PSMG2: variants seen among roughly 807,000 people sequenced by gnomAD.
PSMG2 encodes proteasome assembly chaperone 2.
Under a neutral mutation model 31.5 loss-of-function variants are expected in PSMG2, and 21 were observed. That is an observed-to-expected ratio of 0.67 (90% CI 0.47 to 0.96). The LOEUF (loss-of-function observed/expected upper bound fraction) is 0.96, where lower values mean the gene tolerates loss of function less well. PSMG2 is among the 40% of genes least tolerant of loss of function. The probability of loss-of-function intolerance (pLI) is 0.00; values close to 1 mark genes in which losing one functional copy is unlikely to be tolerated. For synonymous variants in PSMG2, 120 were observed against 110.4 expected (o/e 1.09, Z -0.54); for missense variants, 318 against 321.2 (o/e 0.99, Z 0.08).
chr18:12,691,560 A>G, intron 1 of PSMG2: 1 of 1,134,784 alleles, frequency 8.8e-7, no homozygotes, highest in Non-Finnish European at 1.3e-6. Context: ...TAGCAAATTT[A>G]TCTACTTCTC....
chr18:12,708,139 T>C (rs2040288102), intron 2 of PSMG2, among the ~76,000 whole-genome samples: 1 of 151,890 alleles, frequency 6.6e-6, no homozygotes, highest in Non-Finnish European at 1.5e-5. Flanking sequence ...AGAAAAAAAT[T>C]AGCCAACCTG....
intron 1 of PSMG2, chr18:12,695,333 G>T: frequency 6.5e-7 from 1 of 1,530,538 alleles, no homozygotes; most frequent in Non-Finnish European, 9.0e-7. Context: ...AATTCCCACA[G>T]AAACTTTTGA....
intron 1 of PSMG2, among the ~76,000 whole-genome samples, chr18:12,660,191 A>G (rs568362561): frequency 1.2e-4 from 19 of 152,320 alleles, no homozygotes; most frequent in African/African-American, 4.6e-4. Flanking sequence ...CCTGGCATAG[A>G]GCAGTAAATA....
intron 1 of PSMG2, among the ~76,000 whole-genome samples, chr18:12,676,678 G>C (rs1220663853): frequency 6.6e-6 from 1 of 152,136 alleles, no homozygotes; most frequent in Non-Finnish European, 1.5e-5. Context: ...GTAATAAGGG[G>C]CATTCATTTC....
At chr18:12,695,277 A>G in intron 1 of PSMG2, 1 of 1,550,184 alleles carries the variant, frequency 6.5e-7, no homozygotes, top group South Asian at 1.2e-5. Context: ...ACTTCTTGAG[A>G]TAACGTTTGA....
intron 5 of PSMG2, among the ~76,000 whole-genome samples, chr18:12,721,622 TC>T (rs1372800204): frequency 6.6e-5 from 10 of 152,142 alleles, no homozygotes; most frequent in African/African-American, 1.2e-4. Context: ...TTCTTTTTTT[TC>T]CTAGTCAAGC....
chr18:12,687,889 C>A (rs149014045), intron 1 of PSMG2, among the ~76,000 whole-genome samples: 62 of 151,960 alleles, frequency 4.1e-4, no homozygotes, highest in African/African-American at 1.4e-3. Flanking sequence ...CCTGAAATCA[C>A]AAACTAAATA....
intron 1 of PSMG2, among the ~76,000 whole-genome samples, chr18:12,666,748 CA>C (rs538321327): frequency 1.1e-3 from 149 of 134,896 alleles, no homozygotes; most frequent in African/African-American, 3.2e-3. Flanking sequence ...CACACCCGGC[CA>C]AAAAAAAAAA....
chr18:12,672,539 A>AT (rs1231696411), intron 1 of PSMG2: 14 of 486,332 alleles, frequency 2.9e-5, no homozygotes, highest in Admixed American at 1.4e-4. Context: ...ATATATGCTG[A>AT]TTTTTTTATC....
At chr18:12,678,576 TA>T in intron 1 of PSMG2, 1 of 607,706 alleles carries the variant, frequency 1.6e-6, no homozygotes. Flanking sequence ...TTTTCTTTTT[TA>T]TATTTCCACA....
At chr18:12,671,055 T>G (rs2038929093) in intron 1 of PSMG2, 1 of 151,376 alleles carries the variant, frequency 6.6e-6, no homozygotes, top group Non-Finnish European at 1.5e-5. Flanking sequence ...ATCATAATAT[T>G]TCAGACTTTT....
intron 3 of PSMG2, among the ~76,000 whole-genome samples, chr18:12,717,920 G>T (rs2040393089): frequency 6.6e-6 from 1 of 152,018 alleles, no homozygotes; most frequent in Admixed American, 6.6e-5. Flanking sequence ...CTCAAGTAGA[G>T]AACTGGGAAA....
At chr18:12,722,791 A>T (rs1598689046) in intron 5 of PSMG2, among the ~76,000 whole-genome samples, 1 of 152,256 alleles carries the variant, frequency 6.6e-6, no homozygotes, top group African/African-American at 2.4e-5. Flanking sequence ...TGAAATGATT[A>T]TCCCACACTG....
chr18:12,660,348 A>T (rs2038671295), intron 1 of PSMG2, among the ~76,000 whole-genome samples: 1 of 148,842 alleles, frequency 6.7e-6, no homozygotes, highest in Non-Finnish European at 1.5e-5. Flanking sequence ...ATTGAGACAG[A>T]GTCTCACCCT....
chr18:12,674,808 C>T lies in PSMG2; in HGVS notation c.-37+16035C>T, dbSNP rs982137806. 7 of 1,119,188 alleles carry T rather than the reference C, an allele frequency of 6.3e-6. No homozygotes were observed. The East Asian group carries it at 1.3e-4, about 21-fold the overall frequency. The allele number at this position is 1,119,188 out of a possible 1,614,324, so 69.3% of individuals were successfully genotyped here. The stretch of plus-strand genomic sequence containing the variant: ...TGAAATACATTAATATTTTTAAAAC[C>T]AACTAAATAAAAATGTTGATTATTT... On this transcript the variant is annotated intron_variant, in intron 1 of 6. Transcript: ENST00000585331.
intron 3 of PSMG2, among the ~76,000 whole-genome samples, 184 bp from the exon 4 acceptor site, chr18:12,718,333 A>ATATC (rs1401342930): frequency 6.6e-6 from 1 of 152,196 alleles, no homozygotes; most frequent in African/African-American, 2.4e-5. Context: ...GATACATTAG[A>ATATC]TAATTCATTG....
intron 2 of PSMG2, among the ~76,000 whole-genome samples, chr18:12,708,408 G>A (rs999451743): frequency 1.5e-4 from 23 of 151,582 alleles, no homozygotes; most frequent in African/African-American, 4.8e-4. Flanking sequence ...CTTGTTGCCC[G>A]GGCTGGAGTG....
At chr18:12,680,355 G>GA (rs1185992128) in intron 1 of PSMG2, among the ~76,000 whole-genome samples, 2 of 151,880 alleles carry the variant, frequency 1.3e-5, no homozygotes, top group Non-Finnish European at 2.9e-5. Context: ...CAGCACTTTG[G>GA]GAGGCTGAGG....
chr18:12,697,728 T>C (rs750384498), intron 1 of PSMG2, among the ~76,000 whole-genome samples: 1 of 152,198 alleles, frequency 6.6e-6, no homozygotes, highest in Non-Finnish European at 1.5e-5. Context: ...AGCCTTCAAG[T>C]ATGTCAATAT....
Sources: allele counts gnomAD v4.1 joint callset (sites outside exome capture counted in the v4.1 genomes callset), GRCh38; gene constraint gnomAD v4.1.1; transcripts MANE v1.5; gene names NCBI Gene and HGNC (gene_info 2026-07-23, HGNC 2026-07-21).